CREBBP: variants seen among roughly 807,000 people sequenced by gnomAD.
The protein encoded by CREBBP is CREB-binding protein.
In CREBBP, 19 loss-of-function variants were observed where a neutral mutation model predicts 265.0. The observed-to-expected ratio is 0.07, with a 90% CI of 0.05 to 0.11. The LOEUF (loss-of-function observed/expected upper bound fraction) is 0.11, where lower values mean the gene tolerates loss of function less well. Among genes scored for constraint, CREBBP ranks in the 10% least tolerant of loss-of-function variants. CREBBP has a pLI of 1.00. For missense variants in CREBBP, 2,525 were observed against 3,219.0 expected (o/e 0.78, Z 5.22); for synonymous variants, 1,457 against 1,223.7 (o/e 1.19, Z -3.98).
Position 3,773,786 on chromosome 16 carries a change from T to G in CREBBP, c.2428A>C (p.Met810Leu), listed in dbSNP as rs2141214833. The change falls in exon 13 of 31, where the codon ATG becomes CTG. Residue 810 changes from methionine to leucine, a missense_variant. Physicochemically the swap from Met to Leu is conservative, Grantham distance 15. Coordinates refer to ENST00000262367, the MANE Select transcript of CREBBP (RefSeq NM_004380.3). ...CCTGTTTGGGCTGGCGGCTGCCCCA[T>G]GCCCACACTCATCGCCCCGCTGGAT... Reference protein sequence around the residue: ...PSSSGAMSVGMGQPPAQTGVS... With the variant: ...PSSSGAMSVGLGQPPAQTGVS... 1 of 1,613,778 alleles carries G rather than the reference T, an allele frequency of 6.2e-7. No individual in the cohort carries two copies. Among genetic ancestry groups the G allele is most frequent in the Admixed American group, 1.7e-5 (1 of 60,038 alleles).
intron 3 of CREBBP, among the ~76,000 whole-genome samples, chr16:3,794,053 C>T (rs190915173): frequency 5.1e-4 from 77 of 150,966 alleles, no homozygotes; most frequent in African/African-American, 1.7e-3. Context: ...CCTGGCCGAG[C>T]GCGTTGGCTC....
At chr16:3,869,654 T>A (rs1176526206) in intron 1 of CREBBP, among the ~76,000 whole-genome samples, 1 of 152,184 alleles carries the variant, frequency 6.6e-6, no homozygotes, top group Non-Finnish European at 1.5e-5. Context: ...ATTCAAGTAC[T>A]CAACAGCCAC....
rs1390236176 is a variant in CREBBP, at chr16:3,774,563, A to C, written c.2283+6T>G. ...TATCTGCAGCACAGCGAAAGAGAACACTTACCCCTGGCACTGAGCCCATGC... is the reference window on the plus strand; with the variant it reads ...TATCTGCAGCACAGCGAAAGAGAACCCTTACCCCTGGCACTGAGCCCATGC... On this transcript the variant is annotated splice_donor_region_variant and intron_variant, in intron 12 of 30. Transcript: ENST00000262367. 6.2e-7 allele frequency: 1 copy of C among 1,614,018 alleles called. No individual in the cohort carries two copies. Among genetic ancestry groups the C allele is most frequent in the African/African-American group, 1.3e-5 (1 of 74,918 alleles).
chr16:3,778,323 G>A (rs2053194348), intron 9 of CREBBP, 141 bp from the exon 10 acceptor site: 3 of 700,110 alleles, frequency 4.3e-6, no homozygotes, highest in Non-Finnish European at 7.4e-6. Flanking sequence ...TACACCAGAA[G>A]CCCACATTCT....
At chr16:3,818,973 C>T (rs1040848902) in intron 2 of CREBBP, among the ~76,000 whole-genome samples, 11 of 152,232 alleles carry the variant, frequency 7.2e-5, no homozygotes, top group African/African-American at 2.7e-4. Flanking sequence ...CACCCTTGCA[C>T]GGGGGCTCAT....
At chr16:3,853,882 A>G (rs1053295018) in intron 1 of CREBBP, among the ~76,000 whole-genome samples, 1 of 152,118 alleles carries the variant, frequency 6.6e-6, no homozygotes, top group Non-Finnish European at 1.5e-5. Flanking sequence ...AGTTGCAGTG[A>G]ACTGAGATAT....
chr16:3,730,882 C>T (rs1264891526), intron 30 of CREBBP, among the ~76,000 whole-genome samples: 2 of 152,230 alleles, frequency 1.3e-5, no homozygotes, highest in African/African-American at 4.8e-5. Context: ...GGGGCCCAAG[C>T]TGCCAACAGG....
rs376647297 is a variant in CREBBP at position 3,827,458 on chromosome 16, C to T, written c.799-16679G>A. Among the ~76,000 whole-genome samples the T allele has an allele frequency of 8.5e-5, 13 of 152,178 alleles. No individual in the cohort carries two copies. In the East Asian group the frequency reaches 1.5e-3, roughly 18 times the overall value. On this transcript the variant is annotated intron_variant, in intron 2 of 30. Transcript: ENST00000262367. Reference sequence around the variant, plus strand: ...CCAGGCTGGAGTGCAGTGACGCAATCTCGGCTCACTGCAACCTCCCCCTTC... The same window carrying T: ...CCAGGCTGGAGTGCAGTGACGCAATTTCGGCTCACTGCAACCTCCCCCTTC...
chr16:3,752,693 G>GTACTGGGACCAAAAA (rs2052501302), intron 19 of CREBBP, among the ~76,000 whole-genome samples: 1 of 152,062 alleles, frequency 6.6e-6, no homozygotes, highest in African/African-American at 2.4e-5. Flanking sequence ...GACATTTTTG[G>GTACTGGGACCAAAAA]TACTGGGACC....
intron 2 of CREBBP, among the ~76,000 whole-genome samples, chr16:3,837,621 A>T (rs982742798): frequency 7.3e-5 from 11 of 150,782 alleles, no homozygotes; most frequent in African/African-American, 2.7e-4. Context: ...CTCAAAAAAA[A>T]TAATAATAAT....
chr16:3,795,744 T>C (rs1481307257), intron 3 of CREBBP, among the ~76,000 whole-genome samples: 1 of 152,030 alleles, frequency 6.6e-6, no homozygotes, highest in Non-Finnish European at 1.5e-5. Context: ...GGAAGGTCCA[T>C]CGAGAAATCA....
At chr16:3,843,849 T>A (rs1281500133) in intron 2 of CREBBP, among the ~76,000 whole-genome samples, 3 of 152,084 alleles carry the variant, frequency 2.0e-5, no homozygotes, top group Non-Finnish European at 2.9e-5. Context: ...TTTCACAGAA[T>A]AAATATGAAA....
chr16:3,770,433 T>G, intron 14 of CREBBP, 137 bp downstream of exon 14: 2 of 992,198 alleles, frequency 2.0e-6, no homozygotes, highest in East Asian at 2.4e-5. Flanking sequence ...TGGGCTCAAG[T>G]GATTCTCCCA....
chr16:3,860,694 C>T (rs1457947517), intron 1 of CREBBP, among the ~76,000 whole-genome samples: 30 of 152,042 alleles, frequency 2.0e-4, no homozygotes, highest in Admixed American at 2.0e-3. Flanking sequence ...AAACTACATA[C>T]AAAAAACTTG....
At chr16:3,730,281 C>T (rs2051878904) in intron 30 of CREBBP, among the ~76,000 whole-genome samples, 1 of 152,196 alleles carries the variant, frequency 6.6e-6, no homozygotes, top group Non-Finnish European at 1.5e-5. Context: ...GGAGTCACAT[C>T]AGCCCTTGCC....
At chr16:3,847,269 T>C (rs532219229) in intron 2 of CREBBP, among the ~76,000 whole-genome samples, 37 of 152,354 alleles carry the variant, frequency 2.4e-4, no homozygotes, top group African/African-American at 8.9e-4. Flanking sequence ...AGGATGTTGC[T>C]CTTTTCCTAC....
intron 1 of CREBBP, among the ~76,000 whole-genome samples, chr16:3,854,562 T>C (rs953147074): frequency 2.6e-5 from 4 of 152,250 alleles, no homozygotes; most frequent in African/African-American, 7.2e-5. Flanking sequence ...ATCATGTCTA[T>C]GGAAGAAGTT....
chr16:3,878,397 T>C (rs541522725), intron 1 of CREBBP, among the ~76,000 whole-genome samples: 10 of 152,378 alleles, frequency 6.6e-5, no homozygotes, highest in East Asian at 1.9e-4. Flanking sequence ...GTGATTTTTA[T>C]ATACCATGAG....
intron 24 of CREBBP, among the ~76,000 whole-genome samples, chr16:3,739,986 G>A (rs2052161750): frequency 6.6e-6 from 1 of 152,218 alleles, no homozygotes; most frequent in South Asian, 2.1e-4. Flanking sequence ...CTATACAGCA[G>A]TCCCCCTTAT....
Sources: gnomAD v4.1 joint callset for allele counts (sites outside exome capture counted in the v4.1 genomes callset) on GRCh38, gnomAD v4.1.1 for gene constraint, MANE v1.5 for transcripts, NCBI Gene and HGNC (gene_info 2026-07-23, HGNC 2026-07-21) for gene names.